MGAT4C: variants seen among roughly 807,000 people sequenced by gnomAD.
The protein encoded by MGAT4C is MGAT4 family member C.
Under a neutral mutation model 40.1 loss-of-function variants are expected in MGAT4C, and 19 were observed. That is an observed-to-expected ratio of 0.47 (90% CI 0.33 to 0.70). The LOEUF (loss-of-function observed/expected upper bound fraction) is 0.70. Ranked by LOEUF, MGAT4C falls within the 30% of genes least tolerant of loss-of-function variation. The probability of loss-of-function intolerance (pLI) is 0.02; values close to 1 mark genes in which losing one functional copy is unlikely to be tolerated. For synonymous variants in MGAT4C, 181 were observed against 187.1 expected (o/e 0.97, Z 0.27); for missense variants, 491 against 563.2 (o/e 0.87, Z 1.30).
chr12:86,811,336 ATTTTTT>A (rs553885593), intron 1 of MGAT4C, among the ~76,000 whole-genome samples: 5 of 106,934 alleles, frequency 4.7e-5, no homozygotes, highest in African/African-American at 1.3e-4. Context: ...CACTCATAGT[ATTTTTT>A]TTTTTTTTTT....
rs1883770773 is a variant in MGAT4C, at chr12:85,973,962, C to T, written c.*5327G>A. The T allele has an allele frequency of 6.6e-6, 1 of 150,806 alleles. No individual in the cohort carries two copies. The highest frequency in any genetic ancestry group is 2.4e-5 in the African/African-American group (1 of 41,298). 9.3% of individuals were successfully genotyped at this position (150,806 alleles called of 1,614,324 possible). Reference sequence around the variant, plus strand: ...TTATTGAAGCAAATTCTACCCTGGACTTGGAGTAAATGTGATGAACAGATT... The same window carrying T: ...TTATTGAAGCAAATTCTACCCTGGATTTGGAGTAAATGTGATGAACAGATT... On this transcript the variant is annotated 3_prime_UTR_variant, in exon 5 of 5. Transcript: ENST00000611864.
At chr12:86,110,014 A>C (rs2135634526) in intron 1 of MGAT4C, among the ~76,000 whole-genome samples, 1 of 151,408 alleles carries the variant, frequency 6.6e-6, no homozygotes, top group African/African-American at 2.4e-5. Context: ...CAAGTAGAAG[A>C]AAAGTCATGG....
chr12:86,148,385 T>C (rs965506036), intron 1 of MGAT4C, among the ~76,000 whole-genome samples: 2 of 152,308 alleles, frequency 1.3e-5, no homozygotes, highest in African/African-American at 2.4e-5. Context: ...TTGAAACAAA[T>C]TGTATATGCA....
At chr12:86,170,023 T>C (rs1244983150) in intron 1 of MGAT4C, among the ~76,000 whole-genome samples, 3 of 152,200 alleles carry the variant, frequency 2.0e-5, no homozygotes, top group Non-Finnish European at 4.4e-5. Context: ...CATTCCCATG[T>C]AAATTTAGTT....
At chr12:86,105,710 C>A (rs887315227) in intron 1 of MGAT4C, among the ~76,000 whole-genome samples, 12 of 152,160 alleles carry the variant, frequency 7.9e-5, no homozygotes, top group African/African-American at 2.9e-4. Context: ...TATTCCTTTA[C>A]GATTCAATTC....
At chr12:85,982,243 G>A (rs369534778) in intron 4 of MGAT4C, among the ~76,000 whole-genome samples, 17 of 152,020 alleles carry the variant, frequency 1.1e-4, no homozygotes, top group African/African-American at 3.1e-4. Flanking sequence ...GCAGTGGTGC[G>A]AACTCAGCTC....
chr12:86,357,730 T>C lies in MGAT4C; in HGVS notation c.-119-23603A>G, dbSNP rs140802140. ...GATCAAGTGGAAGAAAGGGTATCAG[T>C]GATTGAAGATCAAATGAATGAAATG... On this transcript the variant is annotated intron_variant, in intron 3 of 7. Coordinates refer to the MGAT4C transcript ENST00000548651. Among the ~76,000 whole-genome samples the C allele has an allele frequency of 4.7e-3, 708 of 152,192 alleles. 5 individuals are homozygous for C. The highest frequency in any genetic ancestry group is 6.8e-3 in the Non-Finnish European group (460 of 68,012).
At chr12:86,519,578 T>C (rs1287985526) in intron 2 of MGAT4C, among the ~76,000 whole-genome samples, 1 of 152,136 alleles carries the variant, frequency 6.6e-6, no homozygotes, top group Non-Finnish European at 1.5e-5. Context: ...ATTGCCTGTC[T>C]TTTTAAATAC....
chr12:86,463,951 T>C (rs1957639899), intron 2 of MGAT4C, among the ~76,000 whole-genome samples: 1 of 152,198 alleles, frequency 6.6e-6, no homozygotes, highest in Admixed American at 6.5e-5. Context: ...TGTGATTCAC[T>C]AGTTATATTT....
chr12:86,739,322 A>T lies in MGAT4C; in HGVS notation c.-261-12081T>A, dbSNP rs957781911. On this transcript the variant is annotated intron_variant, in intron 1 of 7. Transcript: ENST00000548651. ...GTCTATATTTTATTCATAAAGAGTAAATTTCCAAATTCAAATACATGTTTA... is the reference window on the plus strand; with the variant it reads ...GTCTATATTTTATTCATAAAGAGTATATTTCCAAATTCAAATACATGTTTA... Among the ~76,000 whole-genome samples the T allele has an allele frequency of 2.7e-5, 4 of 150,928 alleles. No homozygotes were observed. In the East Asian group the frequency reaches 7.8e-4, roughly 29 times the overall value.
At chr12:86,806,836 T>C (rs1422910000) in intron 1 of MGAT4C, among the ~76,000 whole-genome samples, 1 of 151,486 alleles carries the variant, frequency 6.6e-6, no homozygotes, top group African/African-American at 2.4e-5. Context: ...AAGGAGAACA[T>C]CACACACTGG....
intron 2 of MGAT4C, among the ~76,000 whole-genome samples, chr12:86,475,652 T>C (rs997639443): frequency 3.3e-5 from 5 of 151,984 alleles, no homozygotes; most frequent in African/African-American, 1.2e-4. Context: ...TTAAAATATG[T>C]TTTCAAGGGT....
chr12:86,603,073 G>A (rs1022761522), intron 2 of MGAT4C, among the ~76,000 whole-genome samples: 14 of 151,604 alleles, frequency 9.2e-5, no homozygotes, highest in African/African-American at 3.4e-4. Context: ...GAAATTCACA[G>A]AAGCAGACAG....
intron 2 of MGAT4C, among the ~76,000 whole-genome samples, chr12:86,446,337 G>A (rs1241980277): frequency 6.6e-6 from 1 of 151,662 alleles, no homozygotes; most frequent in Non-Finnish European, 1.5e-5. Flanking sequence ...GCTCCAATTG[G>A]CATTGGTAAA....
chr12:86,545,326 C>T (rs1029115215), intron 2 of MGAT4C, among the ~76,000 whole-genome samples: 1 of 151,916 alleles, frequency 6.6e-6, no homozygotes, highest in Non-Finnish European at 1.5e-5. Context: ...ATATAGTACA[C>T]TTTTTTCTAA....
At chr12:86,726,458 T>C (rs185378707) in intron 2 of MGAT4C, among the ~76,000 whole-genome samples, 1 of 152,298 alleles carries the variant, frequency 6.6e-6, no homozygotes, top group East Asian at 1.9e-4. Context: ...CTCCTTCTTA[T>C]TCACTGGCAT....
intron 1 of MGAT4C, among the ~76,000 whole-genome samples, chr12:86,196,511 T>C (rs1279910243): frequency 6.6e-6 from 1 of 152,226 alleles, no homozygotes; most frequent in Non-Finnish European, 1.5e-5. Context: ...TTGTTGGGTA[T>C]GTGATGGGAG....
chr12:86,078,764 C>G (rs1870273380), intron 1 of MGAT4C, among the ~76,000 whole-genome samples: 1 of 152,124 alleles, frequency 6.6e-6, no homozygotes, highest in South Asian at 2.1e-4. Flanking sequence ...CGGGCGATGA[C>G]AGGGGTGGCT....
At chr12:86,008,530 C>A (rs918700406) in intron 2 of MGAT4C, among the ~76,000 whole-genome samples, 1 of 152,038 alleles carries the variant, frequency 6.6e-6, no homozygotes, top group Non-Finnish European at 1.5e-5. Context: ...ATGATATTGA[C>A]AAGCAATAAA....
Sources: gnomAD v4.1 joint callset for allele counts (sites outside exome capture counted in the v4.1 genomes callset) on GRCh38, gnomAD v4.1.1 for gene constraint, MANE v1.5 for transcripts, NCBI Gene and HGNC (gene_info 2026-07-23, HGNC 2026-07-21) for gene names.